Variants in SGCD observed in about 807,000 individuals in gnomAD.
The protein encoded by SGCD is sarcoglycan delta.
SGCD carries 18 observed loss-of-function variants against 36.6 expected under a neutral mutation model. That is an observed-to-expected ratio of 0.49 (90% confidence interval 0.34 to 0.73). SGCD has a LOEUF of 0.73. SGCD is among the 30% of genes least tolerant of loss of function. The pLI, the probability that SGCD is intolerant of heterozygous loss-of-function variation, is 0.01. For synonymous variants in SGCD, 133 were observed against 130.6 expected (o/e 1.02, Z -0.12); for missense variants, 387 against 346.7 (o/e 1.12, Z -0.92).
intron 2 of SGCD, among the ~76,000 whole-genome samples, chr5:156,339,762 G>C (rs769397826): frequency 1.3e-5 from 2 of 151,984 alleles, no homozygotes; most frequent in Non-Finnish European, 2.9e-5. Flanking sequence ...AAAATATTAG[G>C]AATACAAACA....
At chr5:156,567,094 G>A (rs754607668) in intron 4 of SGCD, among the ~76,000 whole-genome samples, 39 of 152,088 alleles carry the variant, frequency 2.6e-4, no homozygotes, top group Non-Finnish European at 5.0e-4. Flanking sequence ...TTGATCTCTT[G>A]AACAAGATCC....
chr5:156,148,473 T>C (rs1331160024), intron 3 of SGCD, among the ~76,000 whole-genome samples: 1 of 152,148 alleles, frequency 6.6e-6, no homozygotes, highest in African/African-American at 2.4e-5. Context: ...CCAACCACCA[T>C]TCCACTCAAA....
At chr5:155,811,457 A>T in the SGCD span, among the ~76,000 whole-genome samples, 1 of 152,216 alleles carries the variant, frequency 6.6e-6, no homozygotes, top group African/African-American at 2.4e-5. Flanking sequence ...TTTATGGTCC[A>T]TTGTTCAGAA....
intron 3 of SGCD, among the ~76,000 whole-genome samples, chr5:156,476,061 T>G (rs879455831): frequency 6.6e-6 from 1 of 152,210 alleles, no homozygotes; most frequent in Non-Finnish European, 1.5e-5. Context: ...TCCTCATGAC[T>G]AATGCTGAGC....
intron 4 of SGCD, among the ~76,000 whole-genome samples, chr5:156,553,366 T>C (rs1361421471): frequency 6.6e-6 from 1 of 152,178 alleles, no homozygotes; most frequent in African/African-American, 2.4e-5. Context: ...AATCACTTGT[T>C]CCCACACTTG....
At chr5:155,818,516 G>A in the SGCD span, among the ~76,000 whole-genome samples, 3 of 152,016 alleles carry the variant, frequency 2.0e-5, no homozygotes, top group South Asian at 2.1e-4. Context: ...TTTTGGAAAT[G>A]GAGATACTTT....
In SGCD at chr5:156,647,512, G is replaced by A; in HGVS notation, c.551G>A (p.Arg184Lys). ...AAATCTATAGAAACACCTAATGTCA[G>A]GGCAGACCCCTTCAAAGAACTAAGG... ...FPKSIETPNV[R>K]ADPFKELRLE... The change falls in exon 7 of 9, where the codon AGG (arginine) becomes AAG (lysine). Residue 184 changes from arginine (R) to lysine (K), a missense_variant. By Grantham distance (26) the Arg-to-Lys change is conservative (BLOSUM62 2). Coordinates refer to ENST00000337851, the MANE Select transcript of SGCD (RefSeq NM_000337.6). 6.3e-7 allele frequency: 1 copy of A among 1,584,126 alleles called. No individual in the cohort carries two copies. The highest frequency in any genetic ancestry group is 8.6e-7 in the Non-Finnish European group (1 of 1,163,150).
At chr5:156,225,889 C>T (rs1410091432) in intron 3 of SGCD, among the ~76,000 whole-genome samples, 1 of 151,134 alleles carries the variant, frequency 6.6e-6, no homozygotes, top group Admixed American at 6.6e-5. Flanking sequence ...TGCAAAAGAG[C>T]AATAATATTT....
chr5:156,715,756 T>C (rs554390893), intron 7 of SGCD, among the ~76,000 whole-genome samples: 3 of 152,196 alleles, frequency 2.0e-5, no homozygotes, highest in African/African-American at 7.2e-5. Flanking sequence ...CCAGGCCCCA[T>C]AAGGCTGTTA....
intron 5 of SGCD, among the ~76,000 whole-genome samples, chr5:156,590,407 G>A (rs577702721): frequency 7.9e-5 from 12 of 152,210 alleles, no homozygotes; most frequent in South Asian, 2.1e-4. Flanking sequence ...ACTGCTGCCC[G>A]GCAGAGCCCA....
chr5:155,742,726 C>G, the SGCD span, among the ~76,000 whole-genome samples: 5 of 152,140 alleles, frequency 3.3e-5, no homozygotes, highest in African/African-American at 1.2e-4. Context: ...CACTATTTAC[C>G]TGGAGGTAGT....
rs887111697 is a variant in SGCD at position 156,562,975 on chromosome 5, GTTATTA to G, written c.295-26244_295-26239del. On this transcript the variant is annotated intron_variant, in intron 4 of 8. Coordinates refer to ENST00000337851, the MANE Select transcript of SGCD (RefSeq NM_000337.6). The stretch of plus-strand genomic sequence containing the variant: ...AACAAGTATATAGTGATGATAGATT[GTTATTA>G]TTATTATTATTTTGAGACGGAGTTT... Among the ~76,000 whole-genome samples, 5 of 151,610 alleles carry G rather than the reference GTTATTA, an allele frequency of 3.3e-5. No homozygotes were observed. In the South Asian group the frequency reaches 6.2e-4, roughly 19 times the overall value.
intron 1 of SGCD, among the ~76,000 whole-genome samples, chr5:155,989,028 G>T (rs1250689542): frequency 6.6e-6 from 1 of 152,180 alleles, no homozygotes; most frequent in East Asian, 1.9e-4. Flanking sequence ...TTGACTGTCT[G>T]CCAGGATGCT....
intron 4 of SGCD, among the ~76,000 whole-genome samples, chr5:156,583,455 A>G (rs900090003): frequency 6.6e-6 from 1 of 151,910 alleles, no homozygotes; most frequent in Non-Finnish European, 1.5e-5. Flanking sequence ...GTCTTGCCCT[A>G]CCTCCACTCC....
chr5:156,655,933 A>G (rs1310096201), intron 7 of SGCD, among the ~76,000 whole-genome samples: 3 of 152,142 alleles, frequency 2.0e-5, no homozygotes, highest in South Asian at 4.1e-4. Context: ...CCATAGGAAC[A>G]GAGGCTTCCT....
chr5:156,192,125 G>C (rs901724376), intron 3 of SGCD, among the ~76,000 whole-genome samples: 1 of 152,076 alleles, frequency 6.6e-6, no homozygotes, highest in Admixed American at 6.6e-5. Context: ...AGGAGACATC[G>C]TGACGGTCTA....
At chr5:156,473,409 G>A (rs893750515) in intron 3 of SGCD, among the ~76,000 whole-genome samples, 1 of 152,208 alleles carries the variant, frequency 6.6e-6, no homozygotes, top group African/African-American at 2.4e-5. Context: ...CTGACAAAGG[G>A]ATGATTCATG....
the SGCD span, among the ~76,000 whole-genome samples, chr5:155,771,353 G>A: frequency 6.6e-6 from 1 of 151,720 alleles, no homozygotes; most frequent in Admixed American, 6.6e-5. Context: ...GGCTTAAATG[G>A]TCCTCCTGCC....
chr5:155,848,147 G>A, the SGCD span, among the ~76,000 whole-genome samples: 1 of 152,136 alleles, frequency 6.6e-6, no homozygotes, highest in African/African-American at 2.4e-5. Flanking sequence ...GAGGGAGGGG[G>A]AGACAGGTAA....
Sources: allele counts gnomAD v4.1 joint callset (sites outside exome capture counted in the v4.1 genomes callset), GRCh38; gene constraint gnomAD v4.1.1; transcripts MANE v1.5; gene names NCBI Gene and HGNC (gene_info 2026-07-23, HGNC 2026-07-21).